GOLPH3: variants seen among roughly 807,000 people sequenced by gnomAD.
The protein encoded by GOLPH3 is coat protein GPP34.
In GOLPH3, 14 loss-of-function variants were observed where a neutral mutation model predicts 28.5. The observed-to-expected ratio is 0.49, with a 90% CI of 0.32 to 0.77. The LOEUF is 0.77. GOLPH3 is among the 30% of genes least tolerant of loss of function. The pLI is 0.03. For missense variants in GOLPH3, 350 were observed against 393.7 expected, an observed-to-expected ratio of 0.89 and a Z score of 0.94; for synonymous variants, 158 against 159.2, an observed-to-expected ratio of 0.99 and a Z score of 0.06.
chr5:32,143,914 AG>A, intron 1 of GOLPH3, 34 bp from the exon 2 acceptor site: 1 of 1,409,428 alleles, frequency 7.1e-7, no homozygotes, highest in Non-Finnish European at 9.5e-7. Context: ...AAAACAAAAT[AG>A]CTAATTTACC....
intron 3 of GOLPH3, among the ~76,000 whole-genome samples, chr5:32,127,422 A>G (rs1314790613): frequency 1.3e-5 from 2 of 152,246 alleles, no homozygotes; most frequent in African/African-American, 4.8e-5. Context: ...TTAAAGATCA[A>G]CCACAGGCAT....
chr5:32,136,004 G>A (rs1432279871), intron 2 of GOLPH3, among the ~76,000 whole-genome samples: 1 of 152,090 alleles, frequency 6.6e-6, no homozygotes, highest in Admixed American at 6.5e-5. Context: ...GCAAAACCCT[G>A]TCTCTACTAA....
At chr5:32,150,716 C>A (rs1370710144) in intron 1 of GOLPH3, among the ~76,000 whole-genome samples, 2 of 151,966 alleles carry the variant, frequency 1.3e-5, no homozygotes, top group Non-Finnish European at 2.9e-5. Context: ...ATACCCAAAT[C>A]CGAAAATCTG....
intron 3 of GOLPH3, among the ~76,000 whole-genome samples, chr5:32,130,228 T>G (rs1035937843): frequency 2.0e-5 from 3 of 152,190 alleles, no homozygotes; most frequent in Middle Eastern, 3.2e-3. Context: ...TTGCTTTTTC[T>G]AATGTCAATG....
chr5:32,153,498 A>G, intron 1 of GOLPH3, among the ~76,000 whole-genome samples: 1 of 152,128 alleles, frequency 6.6e-6, no homozygotes, highest in Non-Finnish European at 1.5e-5. Context: ...AGCTATTTTA[A>G]CTTTAGAATA....
At chr5:32,171,190 T>C (rs1277583741) in intron 1 of GOLPH3, among the ~76,000 whole-genome samples, 1 of 152,164 alleles carries the variant, frequency 6.6e-6, no homozygotes, top group African/African-American at 2.4e-5. Context: ...AGCAAGGGTG[T>C]CCAACCTTTT....
intron 1 of GOLPH3, among the ~76,000 whole-genome samples, chr5:32,171,821 G>A (rs966299689): frequency 6.6e-6 from 1 of 152,032 alleles, no homozygotes; most frequent in Non-Finnish European, 1.5e-5. Context: ...GGTGGTGCAT[G>A]CCTGTAATCC....
intron 2 of GOLPH3, among the ~76,000 whole-genome samples, chr5:32,139,184 TC>T (rs1746004215): frequency 6.6e-6 from 1 of 152,170 alleles, no homozygotes; most frequent in African/African-American, 2.4e-5. Flanking sequence ...CAATTGAGGA[TC>T]AAAAATATCC....
chr5:32,167,791 A>AG (rs1554049902), intron 1 of GOLPH3, among the ~76,000 whole-genome samples: 1 of 149,750 alleles, frequency 6.7e-6, no homozygotes, highest in Admixed American at 6.7e-5. Context: ...ACAAAAAAAA[A>AG]TTTTTTTTTT....
intron 3 of GOLPH3, among the ~76,000 whole-genome samples, chr5:32,131,569 G>A (rs566681560): frequency 3.2e-4 from 48 of 152,304 alleles, no homozygotes; most frequent in African/African-American, 1.1e-3. Flanking sequence ...ACGTTACTGC[G>A]ATCCATGCTG....
intron 2 of GOLPH3, among the ~76,000 whole-genome samples, chr5:32,139,898 TA>T (rs1421593093): frequency 2.6e-5 from 4 of 152,120 alleles, no homozygotes; most frequent in Non-Finnish European, 1.5e-5. Flanking sequence ...CTACGATTTT[TA>T]AAAAGGAAGC....
chr5:32,139,234 T>C (rs988670287), intron 2 of GOLPH3, among the ~76,000 whole-genome samples: 1 of 152,204 alleles, frequency 6.6e-6, no homozygotes, highest in African/African-American at 2.4e-5. Context: ...AGTATAACAA[T>C]TGTTTATACA....
intron 1 of GOLPH3, among the ~76,000 whole-genome samples, chr5:32,149,076 T>C (rs1316772803): frequency 1.3e-5 from 2 of 152,236 alleles, no homozygotes; most frequent in Non-Finnish European, 2.9e-5. Flanking sequence ...CTTGCCATAC[T>C]GAATCAGTTA....
rs573802847 is a variant in GOLPH3, at chr5:32,154,482, C to A, written c.226-10602G>T. Among the ~76,000 whole-genome samples the A allele has an allele frequency of 3.3e-3, 498 of 152,312 alleles. 2 individuals carry two copies. Among genetic ancestry groups the A allele is most frequent in the Non-Finnish European group, 5.7e-3 (390 of 68,024 alleles). On this transcript the variant is annotated intron_variant, in intron 1 of 3. Coordinates refer to ENST00000265070, the MANE Select transcript of GOLPH3 (RefSeq NM_022130.4). The stretch of plus-strand genomic sequence containing the variant: ...GATGTGATATGAAAGTATCTCTGGT[C>A]TCTCTAGTGGTGACAAACTCACAGA...
chr5:32,160,009 C>T (rs565580933), intron 1 of GOLPH3, among the ~76,000 whole-genome samples: 5 of 152,262 alleles, frequency 3.3e-5, no homozygotes, highest in Admixed American at 2.0e-4. Context: ...GCATTATTTT[C>T]TAAAAGCAGA....
At chr5:32,158,681 G>A (rs532015090) in intron 1 of GOLPH3, among the ~76,000 whole-genome samples, 5 of 152,126 alleles carry the variant, frequency 3.3e-5, no homozygotes, top group South Asian at 2.1e-4. Context: ...TTCCTCCAAC[G>A]GAGTGCTCTT....
intron 1 of GOLPH3, among the ~76,000 whole-genome samples, chr5:32,158,373 AC>A (rs1746502300): frequency 6.6e-6 from 1 of 151,984 alleles, no homozygotes; most frequent in South Asian, 2.1e-4. Context: ...AGCTAATCCT[AC>A]CCATTCTCTC....
intron 1 of GOLPH3, among the ~76,000 whole-genome samples, chr5:32,166,826 G>A (rs756854575): frequency 6.6e-6 from 1 of 151,062 alleles, no homozygotes; most frequent in Admixed American, 6.6e-5. Context: ...AAAAAAAGCA[G>A]GAGGAGGACA....
rs1424588741 is a variant in GOLPH3 at position 32,125,765 on chromosome 5, A to T, written c.*447T>A. The stretch of plus-strand genomic sequence containing the variant: ...ACATCTCAACTGAAGTCTATGTAAA[A>T]AATGTCCTAATAGATACAGATATTT... On this transcript the variant is annotated 3_prime_UTR_variant, in exon 4 of 4. Transcript: ENST00000265070. 1 of 155,980 alleles carries T rather than the reference A, an allele frequency of 6.4e-6. No individual in the cohort carries two copies. Among genetic ancestry groups the T allele is most frequent in the Non-Finnish European group, 1.4e-5 (1 of 70,298 alleles). 9.7% of individuals were successfully genotyped at this position (155,980 alleles called of 1,614,324 possible). A position where few individuals can be genotyped will look rare whatever the true frequency, so the allele number is the denominator to read the frequency against.
Sources: allele counts gnomAD v4.1 joint callset (sites outside exome capture counted in the v4.1 genomes callset), GRCh38; gene constraint gnomAD v4.1.1; transcripts MANE v1.5; gene names NCBI Gene and HGNC (gene_info 2026-07-23, HGNC 2026-07-21).